Variants in TERT observed in about 807,000 individuals in gnomAD.
The protein encoded by TERT is telomerase reverse transcriptase, also known as telomerase catalytic subunit.
In TERT, 42 loss-of-function variants were observed where a neutral mutation model predicts 104.0. The observed-to-expected ratio is 0.40, with a 90% confidence interval of 0.32 to 0.52. The LOEUF (loss-of-function observed/expected upper bound fraction) is 0.52. Ranked by LOEUF, TERT falls within the 20% of genes least tolerant of loss-of-function variation. The pLI is 0.43. For missense variants in TERT, 1,101 were observed against 1,610.3 expected, an observed-to-expected ratio of 0.68 and a Z score of 5.41; for synonymous variants, 781 against 725.6, an observed-to-expected ratio of 1.08 and a Z score of -1.23.
In TERT at chr5:1,256,514, C is replaced by A. The variant is rs369077310; in HGVS notation, c.3033-1103G>T. Among the ~76,000 whole-genome samples, 1 of 125,440 alleles carries A rather than the reference C, an allele frequency of 8.0e-6. No homozygotes were observed. The highest frequency in any genetic ancestry group is 7.9e-5 in the Admixed American group (1 of 12,594). The allele number at this position is 125,440 out of a possible 152,430, so 82.3% of individuals were successfully genotyped here. A position where few individuals can be genotyped will look rare whatever the true frequency, so the allele number is the denominator to read the frequency against. On this transcript the variant is annotated intron_variant, in intron 13 of 15. Transcript: ENST00000310581. The surrounding 1 kb of genome is among the most constrained non-coding windows in gnomAD (Gnocchi z 7.0). ...GTGCCTGAGCCCCCCATGTACCTGGCCTCACCCACTGCCTGAGCCCCCCGT... is the reference window on the plus strand; with the variant it reads ...GTGCCTGAGCCCCCCATGTACCTGGACTCACCCACTGCCTGAGCCCCCCGT...
chr5:1,283,272 C>T (rs1240485753), intron 2 of TERT, among the ~76,000 whole-genome samples: 1 of 136,640 alleles, frequency 7.3e-6, no homozygotes, highest in African/African-American at 2.8e-5. Context: ...TCCAGCTAAC[C>T]GCAGGGCCTG....
Position 1,293,632 on chromosome 5 carries a change from C to T in TERT, c.1254G>A (p.Ala418=), listed in dbSNP as rs1212476315. ...CACAGACACCGGCTGCTGGGGTGAC[C>T]GCAGCTCGCAGCGGGCAGTGCGTCT... ...LLKTHCPLRA[A]VTPAAGVCAR... is the part of the protein sequence containing the mutation. The change falls in exon 2 of 16, where the codon GCG becomes GCA. Residue 418 remains alanine, a synonymous_variant. Transcript: ENST00000310581. The T allele has an allele frequency of 1.3e-6, 2 of 1,553,992 alleles. No individual in the cohort carries two copies. The highest frequency in any genetic ancestry group is 1.7e-6 in the Non-Finnish European group (2 of 1,148,918).
chr5:1,275,033 C>T (rs1020080676), intron 6 of TERT, among the ~76,000 whole-genome samples: 1 of 152,160 alleles, frequency 6.6e-6, no homozygotes, highest in Non-Finnish European at 1.5e-5. Context: ...AGGTTGTCAG[C>T]ACCAAGGCTG....
At chr5:1,258,480 C>G in intron 13 of TERT, 118 bp downstream of exon 13, 1 of 903,830 alleles carries the variant, frequency 1.1e-6, no homozygotes. Context: ...CCACTGAAAA[C>G]GTAAGACATT....
intron 5 of TERT, 33 bp downstream of exon 5, chr5:1,279,258 G>A (rs755635539): frequency 6.4e-7 from 1 of 1,553,164 alleles, no homozygotes; most frequent in Non-Finnish European, 8.7e-7. Flanking sequence ...CCAAGGTCCA[G>A]CAGGGCTGCT....
rs1224846191 is a variant in TERT at position 1,287,523 on chromosome 5, A to G, written c.1574-4899T>C. ...AAAAAAAAAAAATATATATATATAT[A>G]TATAAATTAAAGGCAGAAAACAGAC... On this transcript the variant is annotated intron_variant, in intron 2 of 15. Coordinates refer to ENST00000310581, the MANE Select transcript of TERT (RefSeq NM_198253.3). This position sits in a 1 kb window ranked among gnomAD's most constrained non-coding sequence, Gnocchi z 4.3. Among the ~76,000 whole-genome samples the G allele has an allele frequency of 1.3e-5, 2 of 149,984 alleles. No homozygotes were observed.
At chr5:1,258,919 A>T (rs1346284538) in intron 12 of TERT, among the ~76,000 whole-genome samples, 1 of 146,914 alleles carries the variant, frequency 6.8e-6, no homozygotes, top group Non-Finnish European at 1.5e-5. Flanking sequence ...AGTGGACGCA[A>T]ATGCCCACAG....
Position 1,269,789 on chromosome 5 carries a change from C to T in TERT, c.2469-1156G>A, listed in dbSNP as rs988587453. Among the ~76,000 whole-genome samples, 12 of 152,070 alleles carry T rather than the reference C, an allele frequency of 7.9e-5. No individual in the cohort carries two copies. The highest frequency in any genetic ancestry group is 1.8e-4 in the Non-Finnish European group (12 of 68,024). On this transcript the variant is annotated intron_variant, in intron 8 of 15. Transcript: ENST00000310581. The surrounding 1 kb of genome is among the most constrained non-coding windows in gnomAD (Gnocchi z 9.0). The stretch of plus-strand genomic sequence containing the variant: ...CCCTGTGAGCACATGGGATGGGAAA[C>T]TCTCTCTGTTCTTAGTTTTTGGGGC...
Position 1,269,662 on chromosome 5 carries a change from A to AT in TERT, c.2469-1030dup, listed in dbSNP as rs1274443199. On this transcript the variant is annotated intron_variant, in intron 8 of 15. Coordinates refer to ENST00000310581, the MANE Select transcript of TERT (RefSeq NM_198253.3). This position sits in a 1 kb window ranked among gnomAD's most constrained non-coding sequence, Gnocchi z 9.0. ...AAAGAGGCTTTCCTTGCTGGTGCAG[A>AT]TATCACAGTGATGGGCAAGAGGACT... 6.6e-6 allele frequency among the ~76,000 whole-genome samples: 1 copy of AT among 152,054 alleles called. No homozygotes were observed. Among genetic ancestry groups the AT allele is most frequent in the Non-Finnish European group, 1.5e-5 (1 of 68,020 alleles).
rs1750661464 is a variant in TERT at position 1,288,948 on chromosome 5, A to T, written c.1573+4365T>A. Among the ~76,000 whole-genome samples the T allele has an allele frequency of 6.6e-6, 1 of 152,198 alleles. No homozygotes were observed. Among genetic ancestry groups the T allele is most frequent in the Non-Finnish European group, 1.5e-5 (1 of 68,026 alleles). On this transcript the variant is annotated intron_variant, in intron 2 of 15. Transcript: ENST00000310581. The surrounding 1 kb of genome is among the most constrained non-coding windows in gnomAD (Gnocchi z 5.3). The stretch of plus-strand genomic sequence containing the variant: ...TGACCAAGAAGAGCCGAGCATCAGA[A>T]AAGATAGGCTTGGGGACCAGCACTG...
intron 5 of TERT, 40 bp downstream of exon 5, chr5:1,279,251 A>G: frequency 6.5e-7 from 1 of 1,544,354 alleles, no homozygotes; most frequent in African/African-American, 1.4e-5. Flanking sequence ...GCCACTCCCA[A>G]GGTCCAGCAG....
rs1356601508 is a variant in TERT at position 1,286,694 on chromosome 5, A to T, written c.1574-4070T>A. Reference sequence around the variant, plus strand: ...GGAGTTTGAGACCAGCCTGGCCAACATGGTGAAAGCCTATCTCTACTAAAA... The same window carrying T: ...GGAGTTTGAGACCAGCCTGGCCAACTTGGTGAAAGCCTATCTCTACTAAAA... On this transcript the variant is annotated intron_variant, in intron 2 of 15. Transcript: ENST00000310581. The surrounding 1 kb of genome is among the most constrained non-coding windows in gnomAD (Gnocchi z 5.3). Among the ~76,000 whole-genome samples, 1 of 152,162 alleles carries T rather than the reference A, an allele frequency of 6.6e-6. No homozygotes were observed. Among genetic ancestry groups the T allele is most frequent in the African/African-American group, 2.4e-5 (1 of 41,424 alleles).
chr5:1,279,973 C>T (rs905820113), intron 4 of TERT, among the ~76,000 whole-genome samples, 185 bp downstream of exon 4: 11 of 152,232 alleles, frequency 7.2e-5, no homozygotes, highest in Admixed American at 4.6e-4. Flanking sequence ...TACACCCCCA[C>T]GCTGCTTTTC....
chr5:1,255,023 A>G lies in TERT; in HGVS notation c.3157+264T>C, dbSNP rs1747616820. 6.6e-6 allele frequency among the ~76,000 whole-genome samples: 1 copy of G among 152,098 alleles called. No homozygotes were observed. Among genetic ancestry groups the G allele is most frequent in the Non-Finnish European group, 1.5e-5 (1 of 67,984 alleles). On this transcript the variant is annotated intron_variant, in intron 14 of 15. Coordinates refer to ENST00000310581, the MANE Select transcript of TERT (RefSeq NM_198253.3). This position sits in a 1 kb window ranked among gnomAD's most constrained non-coding sequence, Gnocchi z 6.9. Reference sequence around the variant, plus strand: ...CCCCAAATCCCACCATGGGGCAAACAGGAGAGACCAGGCCCCCCAGCGCTT... The same window carrying G: ...CCCCAAATCCCACCATGGGGCAAACGGGAGAGACCAGGCCCCCCAGCGCTT...
rs1395379702 is a variant in TERT, at chr5:1,282,461, A to T, written c.1737T>A (p.Ser579Arg). The T allele has an allele frequency of 6.2e-7, 1 of 1,613,714 alleles. No homozygotes were observed. Among genetic ancestry groups the T allele is most frequent in the Non-Finnish European group, 8.5e-7 (1 of 1,179,948 alleles). Residue 579 changes from serine (S) to arginine (R), a missense_variant, in exon 3 of 16, where the codon AGT (serine) becomes AGA (arginine). Ser to Arg is a moderately radical substitution (Grantham distance 110, BLOSUM62 -1). Around this residue, in one of 5 missense-constraint regions of TERT, gnomAD observed 463 missense variants for 797.5 expected, o/e 0.58. Transcript: ENST00000310581. ...CAATGCTTTGCAACTTGCTCCAGAC[A>T]CTCTTCCGGTAGAAAAAGAGCCTGT... ...QKNRLFFYRK[S>R]VWSKLQSIGI... is the part of the protein sequence containing the mutation.
chr5:1,254,271 G>A (rs2126558979), intron 15 of TERT, 97 bp downstream of exon 15: 1 of 1,558,590 alleles, frequency 6.4e-7, no homozygotes, highest in Non-Finnish European at 8.8e-7. Flanking sequence ...GGGGGCGTCT[G>A]CACTTCAGCA....
chr5:1,278,720 TG>T lies in TERT; in HGVS notation c.2206del (p.Gln736ArgfsTer31). 6.2e-7 allele frequency: 1 copy of T among 1,614,176 alleles called. No homozygotes were observed. Among genetic ancestry groups the T allele is most frequent in the South Asian group, 1.1e-5 (1 of 91,088 alleles). ...ATACCGACGCACGCAGTACGTGTTC[TG>T]GGGTTTGATGATGCTGGCGATGACC... ...TEVIASIIKP[Q>X]NTYCVRRYAV... On this transcript the variant is annotated frameshift_variant, in exon 6 of 16. Coordinates refer to ENST00000310581, the MANE Select transcript of TERT (RefSeq NM_198253.3). LOFTEE classifies it high-confidence loss of function.
At position 1,293,244 on chromosome 5, in the gene TERT, C is replaced by G. The variant is rs942953904; in HGVS notation, c.1573+69G>C. The G allele has an allele frequency of 1.9e-6, 3 of 1,583,960 alleles. No homozygotes were observed. The East Asian group carries it at 6.7e-5, about 35-fold the overall frequency. On this transcript the variant is annotated intron_variant, in intron 2 of 15. Coordinates refer to ENST00000310581, the MANE Select transcript of TERT (RefSeq NM_198253.3). ...GACAGGAGGACCAGGGCTCTGCCTGCCCCCTTTTCTGAGCCCCTACTGCAT... is the reference window on the plus strand; with the variant it reads ...GACAGGAGGACCAGGGCTCTGCCTGGCCCCTTTTCTGAGCCCCTACTGCAT...
rs1751272539 is a variant in TERT at position 1,294,661 on chromosome 5, G to A, written c.225C>T (p.Ser75=). Residue 75 remains serine (S), a synonymous_variant, in exon 2 of 16, where the codon TCC becomes TCT. Transcript: ENST00000310581. ...CTCGGGCCACCAGCTCCTTCAGGCA[G>A]GACACCTGCGGGGGAAGCGCCCTGA... The part of the protein sequence containing the change: ...PPAAPSFRQV[S]CLKELVARVL... 3 of 1,594,758 alleles carry A rather than the reference G, an allele frequency of 1.9e-6. No individual in the cohort carries two copies. Among genetic ancestry groups the A allele is most frequent in the Non-Finnish European group, 2.5e-6 (3 of 1,178,428 alleles).
Sources: gnomAD v4.1 joint callset for allele counts (sites outside exome capture counted in the v4.1 genomes callset) on GRCh38, gnomAD v4.1.1 for gene constraint, gnomAD v4.1.1 regional missense constraint, Gnocchi (gnomAD v3.1) non-coding constraint, MANE v1.5 for transcripts, NCBI Gene and HGNC (gene_info 2026-07-23, HGNC 2026-07-21) for gene names.